FAT3: variants seen among roughly 807,000 people sequenced by gnomAD.
FAT3 encodes protocadherin Fat 3.
FAT3 carries 95 observed loss-of-function variants against 310.2 expected under a neutral mutation model. The observed-to-expected ratio is 0.31, with a 90% CI of 0.26 to 0.36. The LOEUF (loss-of-function observed/expected upper bound fraction) is 0.36, where lower values mean the gene tolerates loss of function less well. Among genes scored for constraint, FAT3 ranks in the 10% least tolerant of loss-of-function variants. FAT3 has a pLI of 1.00. For synonymous variants in FAT3, 2,314 were observed against 2,192.9 expected, an observed-to-expected ratio of 1.06 and a Z score of -1.54; for missense variants, 5,408 against 5,715.6, an observed-to-expected ratio of 0.95 and a Z score of 1.74.
chr11:92,381,506 CTTTTTTCACCACTT>C (rs940951653), intron 2 of FAT3, among the ~76,000 whole-genome samples: 17 of 152,100 alleles, frequency 1.1e-4, no homozygotes, highest in Non-Finnish European at 1.9e-4. Context: ...AGAGTGAAAT[CTTTTTTCACCACTT>C]TTTTTTCACC....
intron 2 of FAT3, among the ~76,000 whole-genome samples, chr11:92,505,264 A>C (rs1259103552): frequency 6.6e-6 from 1 of 152,132 alleles, no homozygotes; most frequent in Non-Finnish European, 1.5e-5. Flanking sequence ...TTTTCTGATT[A>C]AGGGCTCTTG....
rs534903635 is a variant in FAT3, at chr11:92,637,671, T to A, written c.3608-59713T>A. 2.6e-5 allele frequency among the ~76,000 whole-genome samples: 4 copies of A among 152,318 alleles called. No individual in the cohort carries two copies. The South Asian group carries it at 6.2e-4, about 24-fold the overall frequency. Reference sequence around the variant, plus strand: ...TACGTTAAGAACTATAGTAACTTCATGACTGTGTGCCTCTGTGTGGTTATG... The same window carrying A: ...TACGTTAAGAACTATAGTAACTTCAAGACTGTGTGCCTCTGTGTGGTTATG... On this transcript the variant is annotated intron_variant, in intron 3 of 27. Transcript: ENST00000525166.
intron 4 of FAT3, among the ~76,000 whole-genome samples, chr11:92,707,233 T>G (rs1398276732): frequency 6.6e-6 from 1 of 152,224 alleles, no homozygotes; most frequent in East Asian, 1.9e-4. Context: ...GGGAGGTCCT[T>G]CCACCCAGTG....
chr11:92,568,335 A>G (rs1049375957), intron 3 of FAT3, among the ~76,000 whole-genome samples: 3 of 152,250 alleles, frequency 2.0e-5, no homozygotes, highest in Non-Finnish European at 2.9e-5. Flanking sequence ...CATGAATTAG[A>G]TAGTGACCTA....
intron 23 of FAT3, 21 bp from the exon 24 acceptor site, chr11:92,882,717 G>T (rs367626470): frequency 6.3e-7 from 1 of 1,576,468 alleles, no homozygotes. Flanking sequence ...ACGGTGGGGA[G>T]GGGCTTCTGT....
chr11:92,564,545 C>T (rs1955359064), intron 3 of FAT3, among the ~76,000 whole-genome samples: 1 of 152,062 alleles, frequency 6.6e-6, no homozygotes, highest in Non-Finnish European at 1.5e-5. Flanking sequence ...ACCTAATAGA[C>T]ATCTGCAGAA....
chr11:92,431,061 T>G (rs1275305399), intron 2 of FAT3, among the ~76,000 whole-genome samples: 1 of 152,206 alleles, frequency 6.6e-6, no homozygotes, highest in Admixed American at 6.5e-5. Context: ...TTATTTCTAG[T>G]TCTAGATCCC....
intron 20 of FAT3, among the ~76,000 whole-genome samples, chr11:92,858,314 G>A (rs1403656284): frequency 6.6e-6 from 1 of 152,184 alleles, no homozygotes; most frequent in Non-Finnish European, 1.5e-5. Flanking sequence ...GCTGTCTCCT[G>A]TTTCTACATA....
At chr11:92,664,012 A>T (rs901103359) in intron 3 of FAT3, among the ~76,000 whole-genome samples, 5 of 152,176 alleles carry the variant, frequency 3.3e-5, no homozygotes, top group Middle Eastern at 6.8e-3. Context: ...TCTTGACACG[A>T]CCCACCCTCC....
At chr11:92,495,615 C>G (rs1229315820) in intron 2 of FAT3, among the ~76,000 whole-genome samples, 1 of 151,974 alleles carries the variant, frequency 6.6e-6, no homozygotes, top group Non-Finnish European at 1.5e-5. Context: ...GAGAAGTTTG[C>G]TGTTTCAATC....
chr11:92,432,871 T>C (rs1227162536), intron 2 of FAT3, among the ~76,000 whole-genome samples: 1 of 152,162 alleles, frequency 6.6e-6, no homozygotes, highest in Non-Finnish European at 1.5e-5. Flanking sequence ...CCCAGGGAGA[T>C]AGGAGTTTTA....
intron 3 of FAT3, among the ~76,000 whole-genome samples, chr11:92,563,833 T>C (rs1243182532): frequency 1.3e-5 from 2 of 151,990 alleles, no homozygotes; most frequent in African/African-American, 4.8e-5. Flanking sequence ...AGACAAGCAA[T>C]GCTGAGAGAT....
intron 3 of FAT3, among the ~76,000 whole-genome samples, chr11:92,659,590 C>T (rs1942704943): frequency 6.6e-6 from 1 of 152,160 alleles, no homozygotes. Context: ...CAGGAAGTCT[C>T]TGAGAGGAAA....
intron 2 of FAT3, among the ~76,000 whole-genome samples, chr11:92,386,199 C>G (rs1232254807): frequency 6.6e-6 from 1 of 152,156 alleles, no homozygotes; most frequent in East Asian, 1.9e-4. Context: ...AATAACCATT[C>G]TTATTATTTT....
intron 1 of FAT3, among the ~76,000 whole-genome samples, chr11:92,342,077 T>C (rs965526426): frequency 6.6e-6 from 1 of 152,210 alleles, no homozygotes; most frequent in African/African-American, 2.4e-5. Flanking sequence ...AACCACCTGC[T>C]TGAGCCTGTG....
chr11:92,867,347 T>G, intron 22 of FAT3, 138 bp downstream of exon 22: 1 of 919,184 alleles, frequency 1.1e-6, no homozygotes, highest in East Asian at 2.7e-5. Flanking sequence ...GCCAACCTTC[T>G]TAATCTGCTT....
At chr11:92,433,281 T>G (rs1950839478) in intron 2 of FAT3, among the ~76,000 whole-genome samples, 1 of 151,944 alleles carries the variant, frequency 6.6e-6, no homozygotes, top group African/African-American at 2.4e-5. Flanking sequence ...CACTGGGGTA[T>G]GAAAAAAAAC....
intron 19 of FAT3, among the ~76,000 whole-genome samples, chr11:92,855,598 C>G (rs1439027778): frequency 4.6e-5 from 7 of 152,170 alleles, no homozygotes; most frequent in Non-Finnish European, 7.3e-5. Flanking sequence ...TGAAATAGAT[C>G]ATGAGATGGT....
At position 92,883,194 on chromosome 11, in the gene FAT3, G is replaced by A. The variant is rs1471757723; in HGVS notation, c.12738G>A (p.Arg4246=). The A allele has an allele frequency of 5.6e-6, 9 of 1,613,378 alleles. No homozygotes were observed. The highest frequency in any genetic ancestry group is 6.8e-6 in the Non-Finnish European group (8 of 1,179,848). The change falls in exon 24 of 28, where the codon AGG becomes AGA. Residue 4246 remains arginine (R), a synonymous_variant. Transcript: ENST00000525166. This position sits in a 1 kb window ranked among gnomAD's most constrained non-coding sequence, Gnocchi z 4.2. ...AYTPCFQSDS[R]SNLDKIVDGL... is the part of the protein sequence containing the mutation. Reference sequence around the variant, plus strand: ...CACCCTGCTTCCAGAGTGACTCCAGGAGCAACCTGGATAAGATCGTGGACG... The same window carrying A: ...CACCCTGCTTCCAGAGTGACTCCAGAAGCAACCTGGATAAGATCGTGGACG...
Sources: allele counts gnomAD v4.1 joint callset (sites outside exome capture counted in the v4.1 genomes callset), GRCh38; gene constraint gnomAD v4.1.1; non-coding constraint Gnocchi (gnomAD v3.1); transcripts MANE v1.5; gene names NCBI Gene and HGNC (gene_info 2026-07-23, HGNC 2026-07-21).